Variants in ACER1 observed in about 807,000 individuals in gnomAD.
ACER1 encodes CTB-180A7.3.
Under a neutral mutation model 24.9 loss-of-function variants are expected in ACER1, and 28 were observed. That is an observed-to-expected ratio of 1.13 (90% confidence interval 0.83 to 1.54). ACER1 has a LOEUF of 1.54. Ranked by LOEUF, ACER1 falls within the 40% of genes most tolerant of loss-of-function variation. ACER1 has a pLI of 0.00. For missense variants in ACER1, 352 were observed against 349.3 expected, an observed-to-expected ratio of 1.01 and a Z score of -0.06; for synonymous variants, 132 against 131.4, an observed-to-expected ratio of 1.00 and a Z score of -0.03.
intron 1 of ACER1, among the ~76,000 whole-genome samples, chr19:6,332,959 G>A (rs907943285): frequency 3.9e-5 from 6 of 152,044 alleles, no homozygotes; most frequent in Non-Finnish European, 5.9e-5. Context: ...GTGAGCCACC[G>A]CGCCCAGCCA....
At position 6,333,488 on chromosome 19, in the gene ACER1, A is replaced by C; in HGVS notation, c.64T>G (p.Ser22Ala). The change falls in exon 1 of 6, where the codon TCG becomes GCG. Residue 22 changes from serine (S) to alanine (A), a missense_variant. Transcript: ENST00000301452. ...TTGTAGAACTCGGCCACCAGCTCCG[A>C]GTACTGGAAGTTGCTCTCACACCAG... is the stretch of plus-strand genomic sequence containing the variant. Reference protein sequence around the residue: ...VDWCESNFQYSELVAEFYNTF... With the variant: ...VDWCESNFQYAELVAEFYNTF... The C allele has an allele frequency of 6.3e-7, 1 of 1,592,352 alleles. No homozygotes were observed. Among genetic ancestry groups the C allele is most frequent in the Middle Eastern group, 1.7e-4 (1 of 6,042 alleles).
chr19:6,306,771 G>T lies in ACER1; in HGVS notation c.738C>A (p.Asp246Glu), dbSNP rs762785665. 6.8e-6 allele frequency: 11 copies of T among 1,614,028 alleles called. No individual in the cohort carries two copies. The African/African-American group carries it at 1.2e-4, about 18-fold the overall frequency. Residue 246 changes from aspartate to glutamate, a missense_variant, in exon 6 of 6, where the codon GAC (aspartate) becomes GAA (glutamate). Transcript: ENST00000301452. ...CGTAGGGCAGCCCCACGGGCCAACTGTCCCGAGGCCAGTAGCGGACTTTGA... is the reference window on the plus strand; with the variant it reads ...CGTAGGGCAGCCCCACGGGCCAACTTTCCCGAGGCCAGTAGCGGACTTTGA... Reference protein sequence around the residue: ...ETLKVRYWPRDSWPVGLPYVE... With the variant: ...ETLKVRYWPRESWPVGLPYVE...
chr19:6,326,229 G>A (rs1309901995), intron 1 of ACER1, among the ~76,000 whole-genome samples: 2 of 148,378 alleles, frequency 1.3e-5, no homozygotes, highest in East Asian at 2.0e-4. Context: ...GGGTTCACCC[G>A]CCACTCTCCT....
chr19:6,335,702 G>A (rs1445646738), upstream of ACER1, among the ~76,000 whole-genome samples: 1 of 151,580 alleles, frequency 6.6e-6, no homozygotes, highest in Non-Finnish European at 1.5e-5. Flanking sequence ...GTGATGGTGG[G>A]TGCCCATAGT....
At chr19:6,324,943 T>C (rs955405217) in intron 1 of ACER1, among the ~76,000 whole-genome samples, 1 of 151,408 alleles carries the variant, frequency 6.6e-6, no homozygotes, top group Non-Finnish European at 1.5e-5. Flanking sequence ...TAAGTTGTCA[T>C]CAACCCAGAA....
the ACER1 span, among the ~76,000 whole-genome samples, chr19:6,347,109 A>AAAAAATATATAT: frequency 4.2e-4 from 48 of 113,760 alleles, no homozygotes; most frequent in African/African-American, 2.1e-3. Flanking sequence ...AAAAAAAAAA[A>AAAAAATATATAT]ATATATATAT....
upstream of ACER1, chr19:6,333,638 G>A (rs2091701010): frequency 8.5e-7 from 1 of 1,169,900 alleles, no homozygotes; most frequent in African/African-American, 1.5e-5. Flanking sequence ...GGCGGGGAGA[G>A]GACAGCCCGG....
At chr19:6,313,458 G>A (rs535225596) in intron 1 of ACER1, among the ~76,000 whole-genome samples, 5 of 152,164 alleles carry the variant, frequency 3.3e-5, no homozygotes, top group Non-Finnish European at 7.3e-5. Context: ...TTTGAACTGG[G>A]CACACAGCTT....
chr19:6,359,400 C>A, the ACER1 span, among the ~76,000 whole-genome samples: 1 of 148,842 alleles, frequency 6.7e-6, no homozygotes, highest in Non-Finnish European at 1.5e-5. Context: ...CTCTCTGCAA[C>A]CTCTGCCTCC....
At chr19:6,351,511 G>A in the ACER1 span, among the ~76,000 whole-genome samples, 7,850 of 147,202 alleles carry the variant, frequency 0.053, 435 homozygotes, top group African/African-American at 0.14. Context: ...CAGGAGGATC[G>A]TTTGAGATCA....
chr19:6,316,469 C>A (rs182976444), intron 1 of ACER1, among the ~76,000 whole-genome samples: 4 of 152,010 alleles, frequency 2.6e-5, no homozygotes, highest in African/African-American at 9.7e-5. Context: ...AATGCCTTTG[C>A]GGCAACATGG....
At chr19:6,348,617 G>T in the ACER1 span, among the ~76,000 whole-genome samples, 1 of 150,748 alleles carries the variant, frequency 6.6e-6, no homozygotes, top group South Asian at 2.1e-4. Flanking sequence ...CTAAATTATG[G>T]GTTTTGATAT....
chr19:6,318,007 A>T (rs965824226), intron 1 of ACER1, among the ~76,000 whole-genome samples: 1 of 151,898 alleles, frequency 6.6e-6, no homozygotes, highest in African/African-American at 2.4e-5. Context: ...CACTCACCTC[A>T]GCCTCTAAAA....
the ACER1 span, among the ~76,000 whole-genome samples, chr19:6,340,716 G>A: frequency 4.6e-5 from 7 of 152,126 alleles, no homozygotes; most frequent in South Asian, 2.1e-4. Context: ...AGCCCAGACC[G>A]GAGAACTTGA....
the ACER1 span, among the ~76,000 whole-genome samples, chr19:6,342,466 T>C: frequency 1.3e-5 from 2 of 151,998 alleles, no homozygotes; most frequent in Non-Finnish European, 2.9e-5. Context: ...ACACCTGTAA[T>C]CCCAGCACTT....
rs191472650 is a variant in ACER1 at position 6,322,124 on chromosome 19, G to A, written c.94-9625C>T. The stretch of plus-strand genomic sequence containing the variant: ...CCAGAGGAACCTATCTTGCCTGGGA[G>A]TATCATGGGCTAGATCACTGGTTTC... On this transcript the variant is annotated intron_variant, in intron 1 of 5. Coordinates refer to ENST00000301452, the MANE Select transcript of ACER1 (RefSeq NM_133492.3). 8.6e-4 allele frequency among the ~76,000 whole-genome samples: 131 copies of A among 152,304 alleles called. 1 individual carries two copies. The South Asian group carries it at 0.017, about 20-fold the overall frequency.
chr19:6,323,474 TC>T (rs2091643165), intron 1 of ACER1, among the ~76,000 whole-genome samples: 1 of 152,072 alleles, frequency 6.6e-6, no homozygotes, highest in Admixed American at 6.6e-5. Context: ...ACAAGCTCTT[TC>T]TCTTTGCCTG....
chr19:6,318,088 G>A (rs2091612555), intron 1 of ACER1, among the ~76,000 whole-genome samples: 1 of 152,040 alleles, frequency 6.6e-6, no homozygotes, highest in African/African-American at 2.4e-5. Context: ...TTGTGAGGGT[G>A]AGGCGGGCAG....
the ACER1 span, among the ~76,000 whole-genome samples, chr19:6,354,591 T>C: frequency 2.6e-5 from 4 of 152,350 alleles, no homozygotes; most frequent in South Asian, 4.1e-4. Flanking sequence ...TCAGACACTA[T>C]GTAAGATATG....
Sources: allele counts gnomAD v4.1 joint callset (sites outside exome capture counted in the v4.1 genomes callset), GRCh38; gene constraint gnomAD v4.1.1; transcripts MANE v1.5; gene names NCBI Gene and HGNC (gene_info 2026-07-23, HGNC 2026-07-21).